The following UPP2 variants were observed in gnomAD, a reference collection of about 807,000 sequenced individuals.
The protein encoded by UPP2 is UPase 2.
UPP2 carries 23 observed loss-of-function variants against 26.7 expected under a neutral mutation model. The ratio of observed to expected loss-of-function variants is 0.86; its 90% CI spans 0.62 to 1.22. The LOEUF (loss-of-function observed/expected upper bound fraction) is 1.22. Among genes scored for constraint, UPP2 ranks in the 50% most tolerant of loss-of-function variants. The pLI, the probability that UPP2 is intolerant of heterozygous loss-of-function variation, is 0.00. For missense variants in UPP2, 387 were observed against 396.7 expected (o/e 0.98, Z 0.21); for synonymous variants, 127 against 141.3 (o/e 0.90, Z 0.72).
At chr2:158,043,003 C>T (rs561941031) in intron 3 of UPP2, among the ~76,000 whole-genome samples, 1 of 152,358 alleles carries the variant, frequency 6.6e-6, no homozygotes, top group Admixed American at 6.5e-5. Context: ...ACCCTCATTT[C>T]ACCACATCTT....
At chr2:158,011,361 T>C (rs1172268945) in intron 2 of UPP2, among the ~76,000 whole-genome samples, 2 of 152,250 alleles carry the variant, frequency 1.3e-5, no homozygotes, top group Non-Finnish European at 2.9e-5. Context: ...CTGAGTGTTT[T>C]GCTCATTGTC....
intron 3 of UPP2, among the ~76,000 whole-genome samples, chr2:158,077,228 T>C (rs1189524552): frequency 1.3e-5 from 2 of 151,570 alleles, no homozygotes; most frequent in African/African-American, 4.8e-5. Context: ...TAAATGTCCA[T>C]ACTATCTAAA....
At chr2:158,069,709 C>G (rs529524290) in intron 3 of UPP2, among the ~76,000 whole-genome samples, 1 of 152,194 alleles carries the variant, frequency 6.6e-6, no homozygotes, top group Non-Finnish European at 1.5e-5. Context: ...CCTCAGTGAT[C>G]TCTCAGTCAC....
intron 3 of UPP2, among the ~76,000 whole-genome samples, chr2:158,020,364 G>C (rs955584079): frequency 6.6e-6 from 1 of 152,218 alleles, no homozygotes; most frequent in African/African-American, 2.4e-5. Context: ...AGGGCCCAGG[G>C]AGACAGCTCT....
In UPP2 at chr2:158,015,555, A is replaced by G. The variant is rs373989246; in HGVS notation, c.62-246A>G. Among the ~76,000 whole-genome samples the G allele has an allele frequency of 7.7e-4, 118 of 152,306 alleles. 5 individuals carry two copies. The South Asian group carries it at 0.019, about 25-fold the overall frequency. ...AGTGCTGCTGTGAACATGGATGTGCAAATATCTCTTTGAGACTCTAGTTAT... is the reference window on the plus strand; with the variant it reads ...AGTGCTGCTGTGAACATGGATGTGCGAATATCTCTTTGAGACTCTAGTTAT... On this transcript the variant is annotated intron_variant, in intron 2 of 9. Coordinates refer to the UPP2 transcript ENST00000605860.
chr2:158,049,877 T>C, intron 3 of UPP2, among the ~76,000 whole-genome samples: 1 of 152,230 alleles, frequency 6.6e-6, no homozygotes, highest in East Asian at 1.9e-4. Flanking sequence ...TTTAATCCTG[T>C]TGACAATTTT....
At chr2:158,014,831 C>G in intron 2 of UPP2, among the ~76,000 whole-genome samples, 1 of 152,178 alleles carries the variant, frequency 6.6e-6, no homozygotes, top group East Asian at 1.9e-4. Context: ...AAATTTGGTT[C>G]TAAGCAACTC....
intron 3 of UPP2, among the ~76,000 whole-genome samples, chr2:158,069,475 A>T (rs1682502800): frequency 6.6e-6 from 1 of 152,202 alleles, no homozygotes; most frequent in Admixed American, 6.5e-5. Context: ...AAGCTTCTCT[A>T]GTGCCCAGCT....
chr2:158,084,197 C>A (rs953862172), intron 3 of UPP2, among the ~76,000 whole-genome samples: 1 of 151,922 alleles, frequency 6.6e-6, no homozygotes, highest in Non-Finnish European at 1.5e-5. Context: ...TTAATTATGG[C>A]CATTCTTGCA....
intron 3 of UPP2, among the ~76,000 whole-genome samples, chr2:158,093,991 T>C (rs1315535072): frequency 6.7e-6 from 1 of 150,028 alleles, no homozygotes; most frequent in Non-Finnish European, 1.5e-5. Context: ...TGCCATATAT[T>C]ATATATACAT....
rs935865823 is a variant in UPP2 at position 158,129,016 on chromosome 2, T to C, written c.811+5121T>C. 3.3e-5 allele frequency among the ~76,000 whole-genome samples: 5 copies of C among 152,228 alleles called. No individual in the cohort carries two copies. The South Asian group carries it at 1.0e-3, about 32-fold the overall frequency. ...GGGACAAGATTTTTACAAAGGTGTC[T>C]TTTTGCTTTTTCACATATTTTAATC... On this transcript the variant is annotated intron_variant, in intron 6 of 6. Transcript: ENST00000005756.
chr2:158,070,000 C>T (rs756392549), intron 3 of UPP2, among the ~76,000 whole-genome samples: 1 of 152,044 alleles, frequency 6.6e-6, no homozygotes, highest in African/African-American at 2.4e-5. Context: ...GACCTAATCA[C>T]CCCCCAAAGG....
intron 3 of UPP2, among the ~76,000 whole-genome samples, chr2:158,038,769 C>T (rs954568811): frequency 1.3e-5 from 2 of 152,146 alleles, no homozygotes; most frequent in Non-Finnish European, 2.9e-5. Context: ...GGCATTAGAA[C>T]TCTATTGAGG....
At position 158,115,185 on chromosome 2, in the gene UPP2, G is replaced by A. The variant is rs530097928; in HGVS notation, c.265G>A (p.Glu89Lys). Reference sequence around the variant, plus strand: ...GGAGCTCGGGTTTGAGGAAGCTGAAGAAGACATAAAAGACATCTGTGCTGG... The same window carrying A: ...GGAGCTCGGGTTTGAGGAAGCTGAAAAAGACATAAAAGACATCTGTGCTGG... ...HKELGFEEAE[E>K]DIKDICAGTD... Residue 89 changes from glutamate to lysine, a missense_variant, in exon 3 of 7, where the codon GAA becomes AAA. Physicochemically the swap from Glu to Lys is moderately conservative, Grantham distance 56. Coordinates refer to ENST00000005756, the MANE Select transcript of UPP2 (RefSeq NM_173355.4). 1 of 1,613,666 alleles carries A rather than the reference G, an allele frequency of 6.2e-7. No homozygotes were observed. The highest frequency in any genetic ancestry group is 2.2e-5 in the East Asian group (1 of 44,854).
intron 2 of UPP2, among the ~76,000 whole-genome samples, chr2:158,114,001 G>A (rs955868414): frequency 3.3e-5 from 5 of 152,182 alleles, no homozygotes; most frequent in African/African-American, 7.2e-5. Flanking sequence ...GCAATCTCAC[G>A]TTCTTCTTTC....
chr2:158,046,097 T>G (rs1684149234), intron 3 of UPP2, among the ~76,000 whole-genome samples: 1 of 152,208 alleles, frequency 6.6e-6, no homozygotes, highest in Non-Finnish European at 1.5e-5. Context: ...AATGTCAAAA[T>G]TATTGCTTCA....
intron 3 of UPP2, among the ~76,000 whole-genome samples, chr2:158,073,329 C>G (rs560857860): frequency 7.6e-4 from 115 of 151,850 alleles, no homozygotes; most frequent in African/African-American, 2.6e-3. Context: ...ATGAAGCATC[C>G]CTACAAGATC....
chr2:158,038,484 G>T (rs1684036631), intron 3 of UPP2, among the ~76,000 whole-genome samples: 1 of 152,206 alleles, frequency 6.6e-6, no homozygotes, highest in Non-Finnish European at 1.5e-5. Flanking sequence ...TTTTCACTGG[G>T]CAGATGCTGG....
intron 2 of UPP2, among the ~76,000 whole-genome samples, chr2:158,005,697 T>G (rs1253952801): frequency 6.6e-6 from 1 of 152,190 alleles, no homozygotes; most frequent in Non-Finnish European, 1.5e-5. Context: ...TAACATGATA[T>G]TTAATAAAAA....
Sources: gnomAD v4.1 joint callset for allele counts (sites outside exome capture counted in the v4.1 genomes callset) on GRCh38, gnomAD v4.1.1 for gene constraint, MANE v1.5 for transcripts, NCBI Gene and HGNC (gene_info 2026-07-23, HGNC 2026-07-21) for gene names.